Variants in FSTL5 observed in about 807,000 individuals in gnomAD.
FSTL5 encodes follistatin like 5, also known as follistatin-related protein 5.
Under a neutral mutation model 89.1 loss-of-function variants are expected in FSTL5, and 62 were observed. That is an observed-to-expected ratio of 0.70 (90% CI 0.57 to 0.86). The LOEUF (loss-of-function observed/expected upper bound fraction) is 0.86. Ranked by LOEUF, FSTL5 falls within the 40% of genes least tolerant of loss-of-function variation. The pLI is 0.00. For missense variants in FSTL5, 1,057 were observed against 1,001.6 expected, an observed-to-expected ratio of 1.06 and a Z score of -0.75; for synonymous variants, 383 against 346.2, an observed-to-expected ratio of 1.11 and a Z score of -1.18.
intron 6 of FSTL5, among the ~76,000 whole-genome samples, chr4:161,665,526 C>T (rs1478148934): frequency 6.6e-6 from 1 of 152,142 alleles, no homozygotes; most frequent in Non-Finnish European, 1.5e-5. Flanking sequence ...AGCCACCGCG[C>T]CCGGCCCAGA....
At chr4:162,127,800 T>G (rs960117150) in intron 1 of FSTL5, among the ~76,000 whole-genome samples, 1 of 152,152 alleles carries the variant, frequency 6.6e-6, no homozygotes, top group Non-Finnish European at 1.5e-5. Context: ...AGGGTTGACA[T>G]GTGATTATTT....
At chr4:161,457,610 T>C (rs1406176027) in intron 14 of FSTL5, among the ~76,000 whole-genome samples, 1 of 151,982 alleles carries the variant, frequency 6.6e-6, no homozygotes, top group Non-Finnish European at 1.5e-5. Context: ...CTGAAGAAAA[T>C]TGTATAATAA....
intron 6 of FSTL5, among the ~76,000 whole-genome samples, chr4:161,676,429 C>A (rs1737301198): frequency 6.6e-6 from 1 of 152,036 alleles, no homozygotes; most frequent in Non-Finnish European, 1.5e-5. Flanking sequence ...CGCATGTTCT[C>A]ACTCATAAGT....
chr4:161,547,591 G>A (rs1489599217), intron 8 of FSTL5, among the ~76,000 whole-genome samples: 1 of 151,524 alleles, frequency 6.6e-6, no homozygotes, highest in Admixed American at 6.6e-5. Context: ...ATACTAAAAT[G>A]GTAATATACC....
intron 10 of FSTL5, among the ~76,000 whole-genome samples, chr4:161,525,013 T>C (rs1215815496): frequency 6.6e-6 from 1 of 151,914 alleles, no homozygotes; most frequent in Non-Finnish European, 1.5e-5. Flanking sequence ...CTCTTAAATC[T>C]CCAGCTATGG....
intron 3 of FSTL5, among the ~76,000 whole-genome samples, chr4:162,013,492 G>C (rs1560970069): frequency 6.6e-6 from 1 of 152,134 alleles, no homozygotes; most frequent in East Asian, 1.9e-4. Flanking sequence ...GATGCCCCTG[G>C]GAAGGCAGAG....
At position 161,639,552 on chromosome 4, in the gene FSTL5, C is replaced by T. The variant is rs369560799; in HGVS notation, c.894+16776G>A. Among the ~76,000 whole-genome samples, 3 of 152,196 alleles carry T rather than the reference C, an allele frequency of 2.0e-5. No individual in the cohort carries two copies. The East Asian group carries it at 5.8e-4, about 29-fold the overall frequency. On this transcript the variant is annotated intron_variant, in intron 7 of 15. Transcript: ENST00000306100. ...TGGATTCTGAGAAGATGGTGGAGTA[C>T]AAAGCACCAGGAACCTGTCTCTACA...
At chr4:161,911,411 A>C (rs577793930) in intron 4 of FSTL5, among the ~76,000 whole-genome samples, 1 of 152,132 alleles carries the variant, frequency 6.6e-6, no homozygotes, top group Non-Finnish European at 1.5e-5. Context: ...AAATCTATTT[A>C]AGAACTTTGG....
Position 161,671,888 on chromosome 4 carries a change from C to T in FSTL5, c.728-15394G>A, listed in dbSNP as rs374508541. On this transcript the variant is annotated intron_variant, in intron 6 of 15. Transcript: ENST00000306100. Reference sequence around the variant, plus strand: ...GCATGTAGAAGAACTATCATTCCTTCTCTCTTCTTAACATCCGATCAAAAT... The same window carrying T: ...GCATGTAGAAGAACTATCATTCCTTTTCTCTTCTTAACATCCGATCAAAAT... Among the ~76,000 whole-genome samples the T allele has an allele frequency of 2.4e-4, 36 of 152,276 alleles. 1 individual carries two copies. The East Asian group carries it at 4.3e-3, about 18-fold the overall frequency.
At chr4:161,824,060 G>A (rs1730585188) in intron 4 of FSTL5, among the ~76,000 whole-genome samples, 1 of 152,062 alleles carries the variant, frequency 6.6e-6, no homozygotes, top group Non-Finnish European at 1.5e-5. Flanking sequence ...ATTAGCTTTT[G>A]GGTTCTTGGT....
chr4:161,558,535 G>A (rs1256691263), intron 8 of FSTL5, among the ~76,000 whole-genome samples: 1 of 145,316 alleles, frequency 6.9e-6, no homozygotes, highest in African/African-American at 2.5e-5. Flanking sequence ...CACCCCACTG[G>A]AACTCTCAAA....
intron 6 of FSTL5, among the ~76,000 whole-genome samples, chr4:161,698,694 C>T (rs1358290662): frequency 3.9e-5 from 6 of 152,190 alleles, no homozygotes; most frequent in South Asian, 2.1e-4. Flanking sequence ...TTTGGGAAGC[C>T]GAGGCGGGTG....
intron 4 of FSTL5, among the ~76,000 whole-genome samples, chr4:161,797,429 C>CA (rs1256907328): frequency 2.0e-5 from 3 of 151,674 alleles, no homozygotes; most frequent in African/African-American, 7.2e-5. Context: ...ATATTCAGTA[C>CA]AGCATTTAAT....
intron 4 of FSTL5, among the ~76,000 whole-genome samples, chr4:161,787,073 A>G (rs898810966): frequency 1.3e-5 from 2 of 152,142 alleles, no homozygotes; most frequent in Middle Eastern, 3.2e-3. Flanking sequence ...GAGATAGAGT[A>G]AATTGATACT....
At chr4:161,779,656 C>A (rs947538342) in intron 4 of FSTL5, among the ~76,000 whole-genome samples, 3 of 150,696 alleles carry the variant, frequency 2.0e-5, no homozygotes, top group East Asian at 3.9e-4. Flanking sequence ...AACTTTATTT[C>A]TCTCATTTTC....
At chr4:161,408,651 A>T (rs1385043591) in intron 15 of FSTL5, among the ~76,000 whole-genome samples, 1 of 152,216 alleles carries the variant, frequency 6.6e-6, no homozygotes, top group African/African-American at 2.4e-5. Flanking sequence ...AGAGAAAGTT[A>T]AAACTCTGTC....
At chr4:161,915,929 A>G (rs1298470272) in intron 4 of FSTL5, among the ~76,000 whole-genome samples, 1 of 152,194 alleles carries the variant, frequency 6.6e-6, no homozygotes, top group Admixed American at 6.5e-5. Context: ...CATGTGGATT[A>G]GCACATGACA....
intron 4 of FSTL5, among the ~76,000 whole-genome samples, chr4:161,805,821 C>T (rs1193059409): frequency 2.0e-5 from 3 of 152,082 alleles, no homozygotes; most frequent in Non-Finnish European, 4.4e-5. Flanking sequence ...GACTGTAGTC[C>T]TCTCTTACCT....
chr4:161,779,420 A>G (rs1164620119), intron 4 of FSTL5, among the ~76,000 whole-genome samples: 1 of 152,094 alleles, frequency 6.6e-6, no homozygotes, highest in African/African-American at 2.4e-5. Context: ...TTAATAATAG[A>G]TAACAGGTAA....
Sources: allele counts gnomAD v4.1 joint callset (sites outside exome capture counted in the v4.1 genomes callset), GRCh38; gene constraint gnomAD v4.1.1; transcripts MANE v1.5; gene names NCBI Gene and HGNC (gene_info 2026-07-23, HGNC 2026-07-21).